The following OR10S1 variants were observed in gnomAD, a reference collection of about 807,000 sequenced individuals.
The protein encoded by OR10S1 is olfactory receptor family 10 subfamily S member 1, also known as olfactory receptor 10S1.
For missense variants in OR10S1, 415 were observed against 407.9 expected, an observed-to-expected ratio of 1.02 and a Z score of -0.15; for synonymous variants, 167 against 164.1, an observed-to-expected ratio of 1.02 and a Z score of -0.13.
exon 1 of OR10S1, chr11:123,977,029 A>C (rs907396625): frequency 6.2e-7 from 1 of 1,614,196 alleles, no homozygotes; most frequent in Non-Finnish European, 8.5e-7. Context: ...GGCAGCCTGC[A>C]GCCACGATGC....
chr11:123,977,422 T>C (rs957267145), exon 1 of OR10S1: 1 of 1,614,130 alleles, frequency 6.2e-7, no homozygotes. Flanking sequence ...CCTTGGGCAC[T>C]GTCACTGTAG....
exon 1 of OR10S1, chr11:123,977,418 G>GCACTGT: frequency 6.2e-7 from 1 of 1,614,124 alleles, no homozygotes; most frequent in Non-Finnish European, 8.5e-7. Context: ...ATGACCTTGG[G>GCACTGT]CACTGTCACT....
exon 1 of OR10S1, chr11:123,976,707 GGCT>G (rs778898456): frequency 3.1e-6 from 5 of 1,608,986 alleles, no homozygotes; most frequent in Non-Finnish European, 3.4e-6. Context: ...TATGGGGGTG[GGCT>G]GCCTGCTGTA....
chr11:123,977,669 T>C, exon 1 of OR10S1: 1 of 1,601,154 alleles, frequency 6.2e-7, no homozygotes, highest in South Asian at 1.1e-5. Flanking sequence ...GGTCATCTTC[T>C]CACACACAGA....
chr11:123,977,054 A>C (rs764223570), exon 1 of OR10S1: 1 of 1,614,234 alleles, frequency 6.2e-7, no homozygotes, highest in Non-Finnish European at 8.5e-7. Context: ...GCTGGCAAGC[A>C]TGACTAGCTC....
chr11:123,976,714 T>A (rs777451723), exon 1 of OR10S1: 1 of 1,611,312 alleles, frequency 6.2e-7, no homozygotes, highest in Admixed American at 1.7e-5. Flanking sequence ...GTGGGCTGCC[T>A]GCTGTAGACT....
rs199631140 is a variant in OR10S1 at position 123,977,113 on chromosome 11, G to T, written c.552C>A (p.Cys184Ter). ...CGAGCTTTAGGACAGGGGGTATGTC[G>T]CAGAAGAAGTAGGCAATGTGGCAAG... Residue 184 changes from cysteine to a stop codon, truncating the protein, a stop_gained, in exon 1 of 1, where the codon TGC becomes TGA. Coordinates refer to ENST00000641123, the Ensembl canonical transcript of OR10S1. LOFTEE classifies it low-confidence loss of function (END_TRUNC). 13 of 1,614,124 alleles carry T rather than the reference G, an allele frequency of 8.1e-6. No individual in the cohort carries two copies. Among genetic ancestry groups the T allele is most frequent in the Admixed American group, 1.7e-5 (1 of 60,012 alleles).
chr11:123,977,054 A>G (rs764223570), exon 1 of OR10S1: 4 of 1,614,234 alleles, frequency 2.5e-6, no homozygotes, highest in Non-Finnish European at 3.4e-6. Flanking sequence ...GCTGGCAAGC[A>G]TGACTAGCTC....
chr11:123,977,405 G>A, exon 1 of OR10S1: 1 of 1,614,118 alleles, frequency 6.2e-7, no homozygotes, highest in Non-Finnish European at 8.5e-7. Context: ...CAGCAGGCCT[G>A]CCATGACCTT....
chr11:123,977,553 TGAGGAGGAA>T (rs751051422), exon 1 of OR10S1: 25 of 1,613,778 alleles, frequency 1.5e-5, no homozygotes, highest in Admixed American at 6.7e-5. Context: ...ATGCTGTAGA[TGAGGAGGAA>T]GAGGAGGAAG....
At chr11:123,977,440 G>A (rs1326899461) in exon 1 of OR10S1, 2 of 1,614,136 alleles carry the variant, frequency 1.2e-6, no homozygotes, top group East Asian at 4.5e-5. Flanking sequence ...TAGACAAACA[G>A]GCATCCAGGA....
chr11:123,977,651 G>A lies in OR10S1; in HGVS notation c.14C>T (p.Thr5Met), dbSNP rs544829792. The change falls in exon 1 of 1, where the codon ACG becomes ATG. Residue 5 changes from threonine to methionine, a missense_variant. Physicochemically the swap from Thr to Met is moderately conservative, Grantham distance 81 (BLOSUM62 -1). Coordinates refer to ENST00000641123, the Ensembl canonical transcript of OR10S1. ...CACCACAGTCTGGTTGGGGTTCTCC[G>A]TTGTCATGGTCATCTTCTCACACAC... The A allele has an allele frequency of 1.2e-5, 20 of 1,602,836 alleles. No individual in the cohort carries two copies. In the East Asian group the frequency reaches 1.3e-4, roughly 11 times the overall value.
chr11:123,977,226 C>T, exon 1 of OR10S1: 3 of 1,614,212 alleles, frequency 1.9e-6, no homozygotes, highest in East Asian at 2.2e-5. Flanking sequence ...GCCATTTCTG[C>T]ACACATCCTT....
chr11:123,977,089 G>A lies in OR10S1; in HGVS notation c.576C>T (p.Leu192=), dbSNP rs146184652. 2.3e-4 allele frequency: 369 copies of A among 1,614,250 alleles called. 1 individual carries two copies. The highest frequency in any genetic ancestry group is 5.0e-4 in the Admixed American group (30 of 60,034). The change falls in exon 1 of 1, where the codon CTC becomes CTT. Residue 192 remains leucine, a synonymous_variant. Coordinates refer to ENST00000641123, the Ensembl canonical transcript of OR10S1. ...CATTAATGGTGGTGTCTGTACAGGC[G>A]AGCTTTAGGACAGGGGGTATGTCGC...
exon 1 of OR10S1, chr11:123,977,485 G>A (rs1863732126): frequency 2.5e-6 from 4 of 1,614,074 alleles, no homozygotes; most frequent in Non-Finnish European, 3.4e-6. Context: ...ACATGGGTAA[G>A]CTGAGGTGAG....
chr11:123,977,630 A>G, exon 1 of OR10S1: 1 of 1,606,454 alleles, frequency 6.2e-7, no homozygotes. Flanking sequence ...GTGGCTCACC[A>G]CAGTCTGGTT....
exon 1 of OR10S1, chr11:123,977,161 G>A: frequency 3.1e-6 from 5 of 1,614,230 alleles, no homozygotes; most frequent in Non-Finnish European, 4.2e-6. Context: ...GCAGGCGGAA[G>A]GTGAGGGAGG....
exon 1 of OR10S1, chr11:123,976,876 G>C (rs971672164): frequency 1.6e-5 from 26 of 1,614,074 alleles, no homozygotes; most frequent in Non-Finnish European, 2.1e-5. Flanking sequence ...GCTGCAGGTA[G>C]ATACAGACAG....
chr11:123,977,331 G>C (rs1206907890), exon 1 of OR10S1: 14 of 1,614,184 alleles, frequency 8.7e-6, no homozygotes, highest in Non-Finnish European at 1.1e-5. Flanking sequence ...GTGCTGGCCA[G>C]AAAGTGGAAG....
Sources: allele counts gnomAD v4.1 joint callset, GRCh38; gene constraint gnomAD v4.1.1; transcripts MANE v1.5; gene names NCBI Gene and HGNC (gene_info 2026-07-23, HGNC 2026-07-21).